ALMS1: variants seen among roughly 807,000 people sequenced by gnomAD.
The protein encoded by ALMS1 is centrosome-associated protein ALMS1.
Under a neutral mutation model 352.2 loss-of-function variants are expected in ALMS1, and 271 were observed. The observed-to-expected ratio is 0.77, with a 90% CI of 0.70 to 0.85. The LOEUF (loss-of-function observed/expected upper bound fraction) is 0.85. Among genes scored for constraint, ALMS1 ranks in the 40% least tolerant of loss-of-function variants. The pLI is 0.00. For synonymous variants in ALMS1, 1,865 were observed against 1,761.2 expected, an observed-to-expected ratio of 1.06 and a Z score of -1.48; for missense variants, 5,445 against 4,870.7, an observed-to-expected ratio of 1.12 and a Z score of -3.51.
At chr2:73,446,952 A>G (rs36153819) in intron 7 of ALMS1, among the ~76,000 whole-genome samples, 1 of 152,188 alleles carries the variant, frequency 6.6e-6, no homozygotes, top group Non-Finnish European at 1.5e-5. Context: ...CTTGCTCTAT[A>G]TATCAATCAT....
chr2:73,483,716 T>G (rs1672763284), intron 9 of ALMS1, among the ~76,000 whole-genome samples: 2 of 149,972 alleles, frequency 1.3e-5, no homozygotes, highest in Admixed American at 6.6e-5. Flanking sequence ...CTAAGTCTCT[T>G]TGTAGGTCAC....
chr2:73,582,412 G>C (rs1273113365), intron 16 of ALMS1, among the ~76,000 whole-genome samples: 1 of 152,034 alleles, frequency 6.6e-6, no homozygotes, highest in East Asian at 1.9e-4. Context: ...CTTCTTAACT[G>C]TTCTTAAGTG....
chr2:73,582,785 A>G (rs970686151), intron 16 of ALMS1, among the ~76,000 whole-genome samples: 1 of 152,152 alleles, frequency 6.6e-6, no homozygotes, highest in African/African-American at 2.4e-5. Context: ...ATTGATGGAC[A>G]TTTGGGTTGT....
intron 4 of ALMS1, among the ~76,000 whole-genome samples, chr2:73,423,827 G>A (rs1041879240): frequency 3.3e-5 from 5 of 151,854 alleles, no homozygotes; most frequent in African/African-American, 1.2e-4. Flanking sequence ...GCCCAGGCTG[G>A]AGTGCAGTGG....
intron 1 of ALMS1, among the ~76,000 whole-genome samples, chr2:73,393,977 T>C (rs181933870): frequency 3.7e-4 from 56 of 152,172 alleles, no homozygotes; most frequent in Middle Eastern, 3.4e-3. Context: ...CATGCCACCA[T>C]GCCTGGCTAA....
At chr2:73,480,195 T>C (rs868719630) in intron 9 of ALMS1, among the ~76,000 whole-genome samples, 27 of 152,080 alleles carry the variant, frequency 1.8e-4, no homozygotes, top group African/African-American at 6.0e-4. Context: ...CATCTAGCAT[T>C]AGGTATATCT....
At chr2:73,486,833 T>C (rs1370091262) in intron 9 of ALMS1, among the ~76,000 whole-genome samples, 5 of 152,130 alleles carry the variant, frequency 3.3e-5, no homozygotes, top group African/African-American at 1.2e-4. Context: ...GAGGATCCCT[T>C]GAATCCAGGA....
intron 10 of ALMS1, among the ~76,000 whole-genome samples, chr2:73,511,682 A>C (rs1394659583): frequency 6.6e-6 from 1 of 152,124 alleles, no homozygotes; most frequent in Non-Finnish European, 1.5e-5. Flanking sequence ...TCTCTATGAC[A>C]GTGGGTCTCA....
intron 12 of ALMS1, among the ~76,000 whole-genome samples, chr2:73,549,281 A>G (rs971908546): frequency 1.3e-5 from 2 of 152,216 alleles, no homozygotes; most frequent in African/African-American, 2.4e-5. Context: ...AATACTTTCA[A>G]ATCTTTTACT....
intron 10 of ALMS1, among the ~76,000 whole-genome samples, chr2:73,509,406 C>G (rs1025387987): frequency 6.6e-6 from 1 of 151,868 alleles, no homozygotes; most frequent in Non-Finnish European, 1.5e-5. Flanking sequence ...CTGGTTTTTC[C>G]TTGCCATATT....
chr2:73,588,773 G>A (rs1236992495), intron 16 of ALMS1, among the ~76,000 whole-genome samples: 1 of 152,120 alleles, frequency 6.6e-6, no homozygotes. Flanking sequence ...CAAACAGAGA[G>A]ACCTCCATGA....
At chr2:73,440,073 C>T (rs914022145) in intron 7 of ALMS1, among the ~76,000 whole-genome samples, 22 of 152,162 alleles carry the variant, frequency 1.4e-4, no homozygotes, top group African/African-American at 4.3e-4. Context: ...CTCCGCCTCC[C>T]GGGTTCACGC....
chr2:73,442,406 G>A (rs990318738), intron 7 of ALMS1, among the ~76,000 whole-genome samples: 7 of 152,050 alleles, frequency 4.6e-5, no homozygotes, highest in African/African-American at 1.7e-4. Context: ...CTTGCCCAAA[G>A]TCCCACTTTC....
At chr2:73,411,685 A>G (rs1487909877) in intron 2 of ALMS1, among the ~76,000 whole-genome samples, 4 of 152,008 alleles carry the variant, frequency 2.6e-5, no homozygotes, top group Non-Finnish European at 5.9e-5. Context: ...CATCTTTGTT[A>G]CTGTCATCTG....
intron 2 of ALMS1, among the ~76,000 whole-genome samples, chr2:73,415,062 A>G (rs1019762563): frequency 1.7e-4 from 26 of 152,152 alleles, no homozygotes; most frequent in African/African-American, 5.8e-4. Flanking sequence ...ATACATCTGT[A>G]TACTGATAAA....
intron 17 of ALMS1, 130 bp from the exon 18 acceptor site, chr2:73,600,548 G>C (rs1049503452): frequency 7.9e-6 from 6 of 757,570 alleles, no homozygotes; most frequent in Non-Finnish European, 8.1e-6. Flanking sequence ...CTCTCTCTTC[G>C]CATCCCTCCA....
intron 10 of ALMS1, among the ~76,000 whole-genome samples, chr2:73,504,965 C>T (rs1673291683): frequency 6.6e-6 from 1 of 152,144 alleles, no homozygotes; most frequent in Non-Finnish European, 1.5e-5. Context: ...TGAGTGAGAA[C>T]ATGGAGTGTT....
intron 2 of ALMS1, among the ~76,000 whole-genome samples, chr2:73,413,279 C>A (rs968298276): frequency 1.2e-4 from 18 of 152,120 alleles, no homozygotes; most frequent in African/African-American, 3.6e-4. Flanking sequence ...TTGTATTCTC[C>A]TGTCTTTGAA....
chr2:73,536,749 C>T (rs1184838619), intron 12 of ALMS1, among the ~76,000 whole-genome samples: 1 of 152,024 alleles, frequency 6.6e-6, no homozygotes, highest in South Asian at 2.1e-4. Flanking sequence ...AGAACTGATG[C>T]AAACAACGAC....
Sources: allele counts gnomAD v4.1 joint callset (sites outside exome capture counted in the v4.1 genomes callset), GRCh38; gene constraint gnomAD v4.1.1; transcripts MANE v1.5; gene names NCBI Gene and HGNC (gene_info 2026-07-23, HGNC 2026-07-21).